The following KCNQ5 variants were observed in gnomAD, a reference collection of about 807,000 sequenced individuals.
KCNQ5 encodes potassium voltage-gated channel subfamily Q member 5.
Under a neutral mutation model 98.2 loss-of-function variants are expected in KCNQ5, and 30 were observed. The ratio of observed to expected loss-of-function variants is 0.31; its 90% CI spans 0.23 to 0.41. The LOEUF (loss-of-function observed/expected upper bound fraction) is 0.41. Among genes scored for constraint, KCNQ5 ranks in the 10% least tolerant of loss-of-function variants. The pLI is 1.00. For missense variants in KCNQ5, 835 were observed against 1,182.5 expected (o/e 0.71, Z 4.31); for synonymous variants, 458 against 449.4 (o/e 1.02, Z -0.24).
intron 1 of KCNQ5, among the ~76,000 whole-genome samples, chr6:72,725,911 G>A (rs569791533): frequency 6.6e-6 from 1 of 152,124 alleles, no homozygotes; most frequent in East Asian, 1.9e-4. Context: ...ATTTTATAGT[G>A]AAAATAATCT....
intron 1 of KCNQ5, among the ~76,000 whole-genome samples, chr6:72,979,908 C>T (rs1468699274): frequency 6.6e-6 from 1 of 152,144 alleles, no homozygotes; most frequent in Non-Finnish European, 1.5e-5. Flanking sequence ...AGCCAGTTTT[C>T]CCAGCACCAT....
At chr6:73,185,608 A>G (rs762083627) in intron 11 of KCNQ5, among the ~76,000 whole-genome samples, 1 of 152,196 alleles carries the variant, frequency 6.6e-6, no homozygotes, top group African/African-American at 2.4e-5. Flanking sequence ...CACATACTTT[A>G]TTGTTGCTGG....
At chr6:72,963,603 T>C (rs961907703) in intron 1 of KCNQ5, among the ~76,000 whole-genome samples, 3 of 152,182 alleles carry the variant, frequency 2.0e-5, no homozygotes, top group Non-Finnish European at 2.9e-5. Flanking sequence ...TGTTAAAAAC[T>C]GAGTTGGAAA....
At chr6:72,879,023 A>G (rs1419564585) in intron 1 of KCNQ5, among the ~76,000 whole-genome samples, 1 of 152,000 alleles carries the variant, frequency 6.6e-6, no homozygotes, top group Non-Finnish European at 1.5e-5. Flanking sequence ...GAAACATTAT[A>G]TTTCTTTCTA....
intron 11 of KCNQ5, among the ~76,000 whole-genome samples, chr6:73,175,233 C>T (rs1778167437): frequency 6.6e-6 from 1 of 152,138 alleles, no homozygotes; most frequent in South Asian, 2.1e-4. Context: ...TCACTGCAAC[C>T]TCCACCTCCC....
intron 2 of KCNQ5, among the ~76,000 whole-genome samples, chr6:73,020,332 G>A (rs1455848296): frequency 6.6e-6 from 1 of 152,194 alleles, no homozygotes; most frequent in Non-Finnish European, 1.5e-5. Context: ...ATGGCTCACA[G>A]AACTCAGGGA....
intron 10 of KCNQ5, among the ~76,000 whole-genome samples, chr6:73,162,812 A>C (rs921419185): frequency 6.6e-6 from 1 of 152,208 alleles, no homozygotes; most frequent in African/African-American, 2.4e-5. Context: ...TGGAGTTGGC[A>C]CATCCTCCTC....
intron 5 of KCNQ5, among the ~76,000 whole-genome samples, chr6:73,079,183 T>A (rs1212823226): frequency 1.3e-5 from 2 of 152,106 alleles, no homozygotes; most frequent in African/African-American, 4.8e-5. Flanking sequence ...ACTCCTGTAG[T>A]TCCAGCTACC....
chr6:72,916,720 C>T (rs940714067), intron 1 of KCNQ5, among the ~76,000 whole-genome samples: 14 of 152,060 alleles, frequency 9.2e-5, no homozygotes, highest in African/African-American at 2.9e-4. Context: ...AAAAGTTTTC[C>T]TATATAACTA....
chr6:73,074,154 T>A lies in KCNQ5; in HGVS notation c.617-3168T>A, dbSNP rs535962102. On this transcript the variant is annotated intron_variant, in intron 3 of 13. Coordinates refer to ENST00000370398, the MANE Select transcript of KCNQ5 (RefSeq NM_019842.4). ...ACTGTTCTAGGTACTCAGGATACAATTGTGAACAAAACAATGATAAAACAC... is the reference window on the plus strand; with the variant it reads ...ACTGTTCTAGGTACTCAGGATACAAATGTGAACAAAACAATGATAAAACAC... Among the ~76,000 whole-genome samples, 47 of 152,320 alleles carry A rather than the reference T, an allele frequency of 3.1e-4. No homozygotes were observed. The South Asian group carries it at 6.0e-3, about 19-fold the overall frequency.
intron 6 of KCNQ5, among the ~76,000 whole-genome samples, chr6:73,108,165 C>A (rs1027006957): frequency 6.6e-6 from 1 of 152,158 alleles, no homozygotes; most frequent in East Asian, 1.9e-4. Flanking sequence ...GTCATACAAG[C>A]CACCCATCCA....
At chr6:73,117,106 A>G (rs1775536806) in intron 7 of KCNQ5, among the ~76,000 whole-genome samples, 1 of 152,216 alleles carries the variant, frequency 6.6e-6, no homozygotes, top group Admixed American at 6.5e-5. Context: ...TTTGAATTGT[A>G]TACACCATGT....
intron 1 of KCNQ5, among the ~76,000 whole-genome samples, chr6:72,738,218 G>A (rs1463158488): frequency 6.6e-6 from 1 of 152,018 alleles, no homozygotes; most frequent in African/African-American, 2.4e-5. Flanking sequence ...ACCTTACAGG[G>A]CAAAAATAAT....
intron 1 of KCNQ5, among the ~76,000 whole-genome samples, chr6:72,759,373 T>C (rs1772135915): frequency 6.6e-6 from 1 of 152,106 alleles, no homozygotes; most frequent in Non-Finnish European, 1.5e-5. Flanking sequence ...AAAAAAAATA[T>C]TACAGTAGAA....
chr6:73,091,961 A>T (rs1774270560), intron 5 of KCNQ5, among the ~76,000 whole-genome samples: 3 of 152,010 alleles, frequency 2.0e-5, no homozygotes. Flanking sequence ...CCTATCCGTG[A>T]GCATTGGATA....
chr6:72,927,694 T>C (rs997841589), intron 1 of KCNQ5, among the ~76,000 whole-genome samples: 2 of 152,148 alleles, frequency 1.3e-5, no homozygotes, highest in African/African-American at 4.8e-5. Flanking sequence ...TGTATTTTTC[T>C]TTAACATTAC....
chr6:73,176,306 A>G (rs926906760), intron 11 of KCNQ5, among the ~76,000 whole-genome samples: 1 of 152,122 alleles, frequency 6.6e-6, no homozygotes, highest in African/African-American at 2.4e-5. Context: ...AAAAGTGTGT[A>G]GCACCTCCCT....
intron 1 of KCNQ5, among the ~76,000 whole-genome samples, chr6:72,892,162 C>T (rs531545126): frequency 1.3e-5 from 2 of 152,146 alleles, no homozygotes; most frequent in Non-Finnish European, 2.9e-5. Context: ...TGGGTGCTTG[C>T]TAAAAGAGCA....
chr6:72,645,662 T>G (rs1765563394), intron 1 of KCNQ5, among the ~76,000 whole-genome samples: 1 of 152,104 alleles, frequency 6.6e-6, no homozygotes, highest in Admixed American at 6.6e-5. Flanking sequence ...TGGTCCTCAC[T>G]GGCTTTGCGC....
Sources: gnomAD v4.1 joint callset for allele counts (sites outside exome capture counted in the v4.1 genomes callset) on GRCh38, gnomAD v4.1.1 for gene constraint, MANE v1.5 for transcripts, NCBI Gene and HGNC (gene_info 2026-07-23, HGNC 2026-07-21) for gene names.